MYCT1: variants seen among roughly 807,000 people sequenced by gnomAD.
MYCT1 encodes MYC target 1.
MYCT1 carries 12 observed loss-of-function variants against 15.0 expected under a neutral mutation model. That is an observed-to-expected ratio of 0.80 (90% CI 0.51 to 1.29). The LOEUF (loss-of-function observed/expected upper bound fraction) is 1.29. MYCT1 is among the 50% of genes most tolerant of loss of function. The pLI is 0.00. For synonymous variants in MYCT1, 104 were observed against 102.7 expected, an observed-to-expected ratio of 1.01 and a Z score of -0.07; for missense variants, 287 against 279.1, an observed-to-expected ratio of 1.03 and a Z score of -0.20.
intron 1 of MYCT1, among the ~76,000 whole-genome samples, chr6:152,706,489 T>C (rs1045276000): frequency 6.6e-6 from 1 of 152,184 alleles, no homozygotes; most frequent in Non-Finnish European, 1.5e-5. Flanking sequence ...CACCACCAGA[T>C]GAGAAGTTAA....
intron 1 of MYCT1, among the ~76,000 whole-genome samples, chr6:152,700,072 T>A (rs1030789640): frequency 3.3e-5 from 5 of 152,122 alleles, no homozygotes; most frequent in Admixed American, 2.0e-4. Flanking sequence ...TATAAAAGAT[T>A]GTATTATTGC....
chr6:152,707,447 C>T (rs2882053), intron 1 of MYCT1, among the ~76,000 whole-genome samples: 54,572 of 151,876 alleles, frequency 0.36, 10,987 homozygotes, highest in East Asian at 0.62. Context: ...TTCTCTCATT[C>T]TGTAGGCGTC....
chr6:152,715,323 T>G (rs1036626364), intron 1 of MYCT1, among the ~76,000 whole-genome samples: 1 of 152,160 alleles, frequency 6.6e-6, no homozygotes, highest in Non-Finnish European at 1.5e-5. Context: ...GAATTTGCCC[T>G]CACCTCTAGC....
At chr6:152,739,941 T>C in the MYCT1 span, among the ~76,000 whole-genome samples, 1 of 152,164 alleles carries the variant, frequency 6.6e-6, no homozygotes, top group Non-Finnish European at 1.5e-5. Flanking sequence ...ACTTCCAAGA[T>C]TCTTTCTCTT....
At position 152,721,909 on chromosome 6, in the gene MYCT1, A is replaced by G. The variant is rs1433731099; in HGVS notation, c.364A>G (p.Arg122Gly). Residue 122 changes from arginine to glycine, a missense_variant, in exon 2 of 2, where the codon AGA becomes GGA. Coordinates refer to ENST00000367245, the MANE Select transcript of MYCT1 (RefSeq NM_025107.3). ...GTCTTCTTACACCCACGGCCTCAAC[A>G]GAACTGGATTTTACCGCCACAGTGG... ...SRSSYTHGLN[R>G]TGFYRHSGCE... is the part of the protein sequence containing the mutation. 6.2e-7 allele frequency: 1 copy of G among 1,614,126 alleles called. No homozygotes were observed. Among genetic ancestry groups the G allele is most frequent in the Non-Finnish European group, 8.5e-7 (1 of 1,179,992 alleles).
intron 1 of MYCT1, among the ~76,000 whole-genome samples, chr6:152,704,834 C>T (rs2099721982): frequency 6.6e-6 from 1 of 152,158 alleles, no homozygotes. Flanking sequence ...ATACAACCAT[C>T]ACCTGAGGTA....
the MYCT1 span, among the ~76,000 whole-genome samples, chr6:152,743,222 C>T: frequency 1.1e-3 from 173 of 152,266 alleles, no homozygotes; most frequent in African/African-American, 3.8e-3. Flanking sequence ...TGCACCACCA[C>T]GCCCGGCTGA....
the MYCT1 span, among the ~76,000 whole-genome samples, chr6:152,739,514 A>G: frequency 7.2e-5 from 11 of 151,970 alleles, no homozygotes; most frequent in Admixed American, 5.9e-4. Context: ...GAGAGTTTCT[A>G]TAATTTTAAC....
At chr6:152,726,295 G>C (rs1454363412), downstream of MYCT1, among the ~76,000 whole-genome samples, 1 of 151,858 alleles carries the variant, frequency 6.6e-6, no homozygotes, top group African/African-American at 2.4e-5. Context: ...TACTCAGGAG[G>C]CTGAGGTAGG....
the MYCT1 span, among the ~76,000 whole-genome samples, chr6:152,739,344 A>AT: frequency 4.5e-3 from 670 of 149,942 alleles, 3 homozygotes; most frequent in African/African-American, 0.012. Flanking sequence ...ATATTTTTGT[A>AT]TTTTTTTTTG....
chr6:152,726,401 A>G (rs943847153), downstream of MYCT1, among the ~76,000 whole-genome samples: 1 of 151,770 alleles, frequency 6.6e-6, no homozygotes. Flanking sequence ...CTGTCTAAAA[A>G]AAAAAAAAAA....
At chr6:152,721,462 G>C (rs984374459) in intron 1 of MYCT1, among the ~76,000 whole-genome samples, 2 of 152,240 alleles carry the variant, frequency 1.3e-5, no homozygotes, top group Non-Finnish European at 2.9e-5. Context: ...CATCAAGTAA[G>C]ACTACTTTTA....
chr6:152,719,943 G>C (rs948940118), intron 1 of MYCT1, among the ~76,000 whole-genome samples: 2 of 152,120 alleles, frequency 1.3e-5, no homozygotes, highest in African/African-American at 4.8e-5. Context: ...TTATCAGAGA[G>C]CTTTTGCCAT....
At chr6:152,702,903 T>C (rs1390370825) in intron 1 of MYCT1, among the ~76,000 whole-genome samples, 2 of 152,330 alleles carry the variant, frequency 1.3e-5, no homozygotes, top group African/African-American at 4.8e-5. Flanking sequence ...TGAAAACTCA[T>C]CTCACTGGAC....
At chr6:152,735,456 T>A in the MYCT1 span, among the ~76,000 whole-genome samples, 13 of 152,268 alleles carry the variant, frequency 8.5e-5, no homozygotes, top group South Asian at 6.2e-4. Flanking sequence ...TAGAGTTAAT[T>A]CTTGCTACCG....
chr6:152,714,346 T>A (rs1251442204), intron 1 of MYCT1, among the ~76,000 whole-genome samples: 1 of 151,002 alleles, frequency 6.6e-6, no homozygotes, highest in African/African-American at 2.4e-5. Context: ...AAGTTCTGCT[T>A]TCTCTTATTT....
the MYCT1 span, among the ~76,000 whole-genome samples, chr6:152,745,140 G>T: frequency 2.0e-5 from 3 of 152,158 alleles, no homozygotes; most frequent in Non-Finnish European, 2.9e-5. Flanking sequence ...CGGTCCCAGG[G>T]CCTCTTTGAA....
chr6:152,715,781 G>A (rs1461826569), intron 1 of MYCT1, among the ~76,000 whole-genome samples: 2 of 152,106 alleles, frequency 1.3e-5, no homozygotes, highest in East Asian at 3.9e-4. Context: ...ATTACAACCA[G>A]GGATGGGCCC....
At chr6:152,736,744 T>C in the MYCT1 span, among the ~76,000 whole-genome samples, 1 of 152,092 alleles carries the variant, frequency 6.6e-6, no homozygotes, top group Non-Finnish European at 1.5e-5. Flanking sequence ...TTTGAGAGTG[T>C]GCTCCATGCT....
Sources: allele counts gnomAD v4.1 joint callset (sites outside exome capture counted in the v4.1 genomes callset), GRCh38; gene constraint gnomAD v4.1.1; transcripts MANE v1.5; gene names NCBI Gene and HGNC (gene_info 2026-07-23, HGNC 2026-07-21).